The following CSMD2 variants were observed in gnomAD, a reference collection of about 807,000 sequenced individuals.
CSMD2 encodes CUB and Sushi multiple domains 2.
A neutral mutation model predicts 398.5 loss-of-function variants in CSMD2; 130 were observed. The observed-to-expected ratio is 0.33, with a 90% CI of 0.28 to 0.38. CSMD2 has a LOEUF of 0.38. CSMD2 is among the 10% of genes least tolerant of loss of function. CSMD2 has a pLI of 1.00. For synonymous variants in CSMD2, 1,828 were observed against 1,908.5 expected (o/e 0.96, Z 1.10); for missense variants, 3,829 against 4,764.9 (o/e 0.80, Z 5.78).
chr1:33,773,738 T>C (rs1651591751), intron 12 of CSMD2, among the ~76,000 whole-genome samples: 1 of 151,834 alleles, frequency 6.6e-6, no homozygotes, highest in African/African-American at 2.4e-5. Context: ...AGACAGGAGG[T>C]CATGAAGCCA....
chr1:33,695,878 A>AGG (rs1338820157), intron 24 of CSMD2, among the ~76,000 whole-genome samples: 6 of 152,190 alleles, frequency 3.9e-5, no homozygotes, highest in Admixed American at 2.6e-4. Flanking sequence ...ATCTTTTGTG[A>AGG]CATACCTCCC....
chr1:33,658,974 T>A (rs1200295885), intron 26 of CSMD2, among the ~76,000 whole-genome samples: 1 of 152,200 alleles, frequency 6.6e-6, no homozygotes, highest in Non-Finnish European at 1.5e-5. Context: ...TACCGGGAGT[T>A]ACTGAAGTTA....
rs544851645 is a variant in CSMD2 at position 34,019,196 on chromosome 1, C to T, written c.517+13398G>A. 2.0e-5 allele frequency among the ~76,000 whole-genome samples: 3 copies of T among 152,310 alleles called. No homozygotes were observed. The South Asian group carries it at 6.2e-4, about 32-fold the overall frequency. On this transcript the variant is annotated intron_variant, in intron 3 of 70. Coordinates refer to ENST00000373381, the MANE Select transcript of CSMD2 (RefSeq NM_001281956.2). ...CTGGTAAGAGCCCCAGCAATGCTAG[C>T]TTTCATTATCATCCTGACGATCATC...
At chr1:33,532,423 G>A (rs924444528) in intron 64 of CSMD2, among the ~76,000 whole-genome samples, 2 of 152,216 alleles carry the variant, frequency 1.3e-5, no homozygotes, top group South Asian at 2.1e-4. Flanking sequence ...CTCAAGACTG[G>A]ACTCAGACAT....
rs1014118729 is a variant in CSMD2 at position 33,724,199 on chromosome 1, T to C, written c.2999A>G (p.Lys1000Arg). ...CTGCTATGGGCTGAAACACTCACCC[T>C]TGCCATGAGATGTTTCGATAATCCA... ...CTWIIETSHG[K>R]GVFFTFHTFH... is the part of the protein sequence containing the mutation. The change falls in exon 19 of 71, where the codon AAG (lysine) becomes AGG (arginine). Residue 1000 changes from lysine to arginine, a missense_variant and splice_region_variant. This residue lies in a region of CSMD2 where 2,001 missense variants were observed against 2,567.1 expected (regional missense o/e 0.78). Transcript: ENST00000373381. The C allele has an allele frequency of 3.7e-6, 6 of 1,608,164 alleles. No homozygotes were observed. The African/African-American group carries it at 6.7e-5, about 18-fold the overall frequency.
intron 10 of CSMD2, among the ~76,000 whole-genome samples, chr1:33,796,261 C>T (rs1654936145): frequency 6.6e-6 from 1 of 152,226 alleles, no homozygotes; most frequent in South Asian, 2.1e-4. Context: ...GTTCTGAACA[C>T]TTTACACATA....
intron 3 of CSMD2, among the ~76,000 whole-genome samples, chr1:33,960,673 CAG>C (rs1354457530): frequency 6.6e-6 from 1 of 152,228 alleles, no homozygotes; most frequent in Non-Finnish European, 1.5e-5. Context: ...CCCATGGAAA[CAG>C]AGACTCTCAT....
intron 51 of CSMD2, among the ~76,000 whole-genome samples, chr1:33,570,029 A>G (rs778201697): frequency 9.2e-5 from 14 of 152,212 alleles, no homozygotes; most frequent in South Asian, 2.1e-4. Context: ...CCAAGGCTGC[A>G]CTGAAATGTG....
chr1:33,946,233 C>G (rs950526633), intron 3 of CSMD2, among the ~76,000 whole-genome samples: 3 of 152,160 alleles, frequency 2.0e-5, no homozygotes, highest in Non-Finnish European at 4.4e-5. Flanking sequence ...CTCAGTAATG[C>G]CTAATAAACT....
chr1:33,554,738 C>A (rs1016384488), intron 55 of CSMD2, among the ~76,000 whole-genome samples: 1 of 152,122 alleles, frequency 6.6e-6, no homozygotes, highest in Non-Finnish European at 1.5e-5. Flanking sequence ...CTGTTTATAG[C>A]ATGGTTTATT....
At chr1:33,797,042 GTTGT>G (rs989441799) in intron 10 of CSMD2, among the ~76,000 whole-genome samples, 24 of 152,168 alleles carry the variant, frequency 1.6e-4, no homozygotes, top group African/African-American at 5.8e-4. Context: ...CCTGTTTTCT[GTTGT>G]TTAAGATGTT....
At chr1:34,011,431 A>G (rs1202756694) in intron 3 of CSMD2, among the ~76,000 whole-genome samples, 1 of 152,200 alleles carries the variant, frequency 6.6e-6, no homozygotes, top group Admixed American at 6.5e-5. Flanking sequence ...GTTTCCATCA[A>G]GATGGGAAAC....
At chr1:33,616,843 A>T in intron 39 of CSMD2, 63 bp downstream of exon 39, 1 of 1,284,848 alleles carries the variant, frequency 7.8e-7, no homozygotes, top group Non-Finnish European at 1.1e-6. Flanking sequence ...ATGATACACT[A>T]CTGAGCTAAG....
At chr1:34,100,126 A>C (rs1291918357) in intron 1 of CSMD2, among the ~76,000 whole-genome samples, 2 of 152,228 alleles carry the variant, frequency 1.3e-5, no homozygotes, top group Admixed American at 6.5e-5. Context: ...TGGTGAGATA[A>C]CACCATATGT....
intron 32 of CSMD2, among the ~76,000 whole-genome samples, chr1:33,630,063 C>CTTCT (rs1642373820): frequency 1.3e-5 from 2 of 151,660 alleles, no homozygotes; most frequent in Admixed American, 1.3e-4. Flanking sequence ...CCTCCCCCAT[C>CTTCT]TTCTTCCTTC....
intron 10 of CSMD2, among the ~76,000 whole-genome samples, chr1:33,807,982 G>A (rs1656418000): frequency 6.6e-6 from 1 of 151,968 alleles, no homozygotes; most frequent in South Asian, 2.1e-4. Flanking sequence ...TGGATGGAGG[G>A]AAAAAGCCTT....
intron 2 of CSMD2, among the ~76,000 whole-genome samples, chr1:34,052,320 C>T (rs1653278559): frequency 6.6e-6 from 1 of 151,844 alleles, no homozygotes; most frequent in Non-Finnish European, 1.5e-5. Flanking sequence ...ACAATTACTA[C>T]ATAGTGTTTG....
intron 3 of CSMD2, among the ~76,000 whole-genome samples, chr1:33,951,704 G>A (rs116485347): frequency 0.011 from 1,602 of 152,210 alleles, 27 homozygotes; most frequent in African/African-American, 0.037. Context: ...CTTTGATGCC[G>A]GCAGAAGAAA....
chr1:33,692,789 C>T, intron 25 of CSMD2, 141 bp downstream of exon 25: 1 of 1,044,236 alleles, frequency 9.6e-7, no homozygotes, highest in Non-Finnish European at 1.4e-6. Context: ...CTAAGGCATC[C>T]AGTATAGCAA....
Sources: gnomAD v4.1 joint callset for allele counts (sites outside exome capture counted in the v4.1 genomes callset) on GRCh38, gnomAD v4.1.1 for gene constraint, gnomAD v4.1.1 regional missense constraint, MANE v1.5 for transcripts, NCBI Gene and HGNC (gene_info 2026-07-23, HGNC 2026-07-21) for gene names.